Variants in TMEM98 observed in about 807,000 individuals in gnomAD.
TMEM98 encodes transmembrane protein 98.
In TMEM98, 18 loss-of-function variants were observed where a neutral mutation model predicts 25.0. The ratio of observed to expected loss-of-function variants is 0.72; its 90% CI spans 0.50 to 1.07. TMEM98 has a LOEUF of 1.07. Among genes scored for constraint, TMEM98 ranks in the 50% least tolerant of loss-of-function variants. TMEM98 has a pLI of 0.00. For missense variants in TMEM98, 241 were observed against 289.0 expected (o/e 0.83, Z 1.20); for synonymous variants, 103 against 112.4 (o/e 0.92, Z 0.53).
At chr17:32,933,128 G>T in intron 3 of TMEM98, 46 bp from the exon 4 acceptor site, 1 of 1,609,160 alleles carries the variant, frequency 6.2e-7, no homozygotes, top group Non-Finnish European at 8.5e-7. Context: ...AGGATCAGCA[G>T]CGGTCACCCA....
intron 7 of TMEM98, among the ~76,000 whole-genome samples, chr17:32,940,112 C>T (rs1002465410): frequency 2.6e-5 from 4 of 152,206 alleles, no homozygotes; most frequent in African/African-American, 4.8e-5. Flanking sequence ...GTTGCCAGAT[C>T]GGCAGTGGGT....
chr17:32,933,334 G>A, intron 4 of TMEM98, 29 bp downstream of exon 4: 1 of 1,613,410 alleles, frequency 6.2e-7, no homozygotes, highest in Non-Finnish European at 8.5e-7. Flanking sequence ...TTTGCTTCCG[G>A]GCTTCTGGCA....
At chr17:32,937,706 T>G (rs1260602093) in intron 6 of TMEM98, among the ~76,000 whole-genome samples, 1 of 152,188 alleles carries the variant, frequency 6.6e-6, no homozygotes, top group African/African-American at 2.4e-5. Flanking sequence ...TTCTCCTGCC[T>G]CAGCCCCCTG....
chr17:32,930,653 C>A (rs1362568566), intron 1 of TMEM98, among the ~76,000 whole-genome samples: 3 of 152,172 alleles, frequency 2.0e-5, no homozygotes, highest in Admixed American at 2.0e-4. Context: ...GATGGCTTTC[C>A]ATCTCCTGAC....
Position 32,932,094 on chromosome 17 carries a change from A to ATTT in TMEM98, c.131+456_131+458dup, listed in dbSNP as rs774760952. Among the ~76,000 whole-genome samples, 84 of 118,962 alleles carry ATTT rather than the reference A, an allele frequency of 7.1e-4. 1 individual carries two copies. The highest frequency in any genetic ancestry group is 4.3e-3 in the Middle Eastern group (1 of 232). 78.0% of individuals were successfully genotyped at this position (118,962 alleles called of 152,430 possible). On this transcript the variant is annotated intron_variant, in intron 3 of 7. Coordinates refer to ENST00000579849, the MANE Select transcript of TMEM98 (RefSeq NM_015544.3). ...GACTGTTTCTCTCTTTGCACAGCAG[A>ATTT]TTTTTTTTTTTTTTTTTTTTTTTGA...
At chr17:32,929,059 C>T (rs1035462245) in intron 1 of TMEM98, among the ~76,000 whole-genome samples, 2 of 147,974 alleles carry the variant, frequency 1.4e-5, no homozygotes, top group Admixed American at 1.3e-4. Flanking sequence ...AGCTCACACA[C>T]ACTCAGAAAC....
At chr17:32,936,632 G>A (rs2091498156) in intron 6 of TMEM98, among the ~76,000 whole-genome samples, 185 bp downstream of exon 6, 1 of 152,180 alleles carries the variant, frequency 6.6e-6, no homozygotes, top group African/African-American at 2.4e-5. Context: ...GCTAAGGTGG[G>A]CTTCCACCAT....
intron 6 of TMEM98, among the ~76,000 whole-genome samples, chr17:32,937,039 G>A (rs1264934118): frequency 2.0e-5 from 3 of 152,210 alleles, no homozygotes; most frequent in East Asian, 3.9e-4. Context: ...CCTCATTTGG[G>A]CTTGATATCG....
At chr17:32,931,873 A>G (rs958516472) in intron 3 of TMEM98, among the ~76,000 whole-genome samples, 1 of 152,134 alleles carries the variant, frequency 6.6e-6, no homozygotes, top group Non-Finnish European at 1.5e-5. Context: ...TCCTGAGCCA[A>G]GAAGAAAGTC....
intron 7 of TMEM98, among the ~76,000 whole-genome samples, chr17:32,940,238 G>T (rs181851208): frequency 6.6e-6 from 1 of 152,096 alleles, no homozygotes; most frequent in Middle Eastern, 3.4e-3. Flanking sequence ...CATATAAAAG[G>T]TATTCTACAG....
At chr17:32,928,891 C>T (rs1482752021) in intron 1 of TMEM98, among the ~76,000 whole-genome samples, 1 of 147,418 alleles carries the variant, frequency 6.8e-6, no homozygotes, top group African/African-American at 2.7e-5. Context: ...CAGAAACACA[C>T]GCACTCAGAG....
chr17:32,939,409 G>GAAAA, intron 6 of TMEM98, 68 bp from the exon 7 acceptor site: 1 of 1,281,078 alleles, frequency 7.8e-7, no homozygotes, highest in Non-Finnish European at 1.0e-6. Context: ...TCTGTCTCAG[G>GAAAA]AAAAAAAAAA....
In TMEM98 at chr17:32,941,046, G is replaced by A; in HGVS notation, c.*53G>A. On this transcript the variant is annotated 3_prime_UTR_variant, in exon 8 of 8. Transcript: ENST00000579849. ...AGGCCCCTGCCGCCATCCCTGGATG[G>A]CTCAGCTTAGCCTTCTACTTTTTCC... 2.7e-6 allele frequency: 4 copies of A among 1,466,920 alleles called. No homozygotes were observed. The highest frequency in any genetic ancestry group is 1.4e-5 in the African/African-American group (1 of 71,096). 90.9% of individuals were successfully genotyped at this position (1,466,920 alleles called of 1,614,324 possible).
intron 1 of TMEM98, among the ~76,000 whole-genome samples, chr17:32,929,168 C>T (rs1471533493): frequency 6.6e-6 from 1 of 151,530 alleles, no homozygotes; most frequent in Non-Finnish European, 1.5e-5. Flanking sequence ...ACATAGCTAA[C>T]ACTCAGAAAC....
intron 7 of TMEM98, 31 bp downstream of exon 7, chr17:32,939,567 T>A: frequency 6.2e-7 from 1 of 1,613,322 alleles, no homozygotes; most frequent in South Asian, 1.1e-5. Flanking sequence ...ATGTTCGGTT[T>A]TTCATGCAGA....
intron 6 of TMEM98, among the ~76,000 whole-genome samples, chr17:32,938,624 T>C (rs1270273300): frequency 6.6e-6 from 1 of 152,218 alleles, no homozygotes; most frequent in Non-Finnish European, 1.5e-5. Context: ...ATGAAACTCA[T>C]GGCCTTCTTT....
intron 4 of TMEM98, 24 bp from the exon 5 acceptor site, chr17:32,934,267 G>T: frequency 6.2e-7 from 1 of 1,614,062 alleles, no homozygotes; most frequent in Non-Finnish European, 8.5e-7. Flanking sequence ...GATGAGCACT[G>T]ATGACTTCTT....
chr17:32,930,357 G>C (rs1050599949), intron 1 of TMEM98, among the ~76,000 whole-genome samples: 24 of 150,560 alleles, frequency 1.6e-4, no homozygotes, highest in African/African-American at 5.9e-4. Context: ...GTGTGTTTGT[G>C]CCTATCGATG....
chr17:32,931,389 G>T lies in TMEM98; in HGVS notation c.-68G>T. 1.7e-6 allele frequency: 2 copies of T among 1,190,400 alleles called. No homozygotes were observed. The highest frequency in any genetic ancestry group is 1.5e-5 in the African/African-American group (1 of 65,068). The allele number at this position is 1,190,400 out of a possible 1,614,324, so 73.7% of individuals were successfully genotyped here. A position where few individuals can be genotyped will look rare whatever the true frequency, so the allele number is the denominator to read the frequency against. ...CACCTGCCATCCTCTTCCCCAATTT[G>T]CCACTTCCAGCAGGTAAGACCCACC... On this transcript the variant is annotated 5_prime_UTR_variant, in exon 2 of 8. Transcript: ENST00000579849.
Sources: gnomAD v4.1 joint callset for allele counts (sites outside exome capture counted in the v4.1 genomes callset) on GRCh38, gnomAD v4.1.1 for gene constraint, MANE v1.5 for transcripts, NCBI Gene and HGNC (gene_info 2026-07-23, HGNC 2026-07-21) for gene names.